FAT3: variants seen among roughly 807,000 people sequenced by gnomAD.
FAT3 encodes protocadherin Fat 3.
Under a neutral mutation model 310.2 loss-of-function variants are expected in FAT3, and 95 were observed. That is an observed-to-expected ratio of 0.31 (90% CI 0.26 to 0.36). FAT3 has a LOEUF of 0.36. Ranked by LOEUF, FAT3 falls within the 10% of genes least tolerant of loss-of-function variation. The probability of loss-of-function intolerance (pLI) is 1.00; values close to 1 mark genes in which losing one functional copy is unlikely to be tolerated. For missense variants in FAT3, 5,408 were observed against 5,715.6 expected (o/e 0.95, Z 1.74); for synonymous variants, 2,314 against 2,192.9 (o/e 1.06, Z -1.54).
intron 2 of FAT3, among the ~76,000 whole-genome samples, chr11:92,484,090 A>C (rs564598586): frequency 1.2e-4 from 18 of 152,354 alleles, no homozygotes; most frequent in African/African-American, 3.8e-4. Flanking sequence ...TTCCAATGTG[A>C]GCATCTGCAT....
At position 92,867,003 on chromosome 11, in the gene FAT3, G is replaced by A. The variant is rs182427205; in HGVS notation, c.11921G>A (p.Arg3974Gln). Residue 3974 changes from arginine (R) to glutamine (Q), a missense_variant, in exon 22 of 28, where the codon CGG (arginine) becomes CAG (glutamine). Physicochemically the swap from Arg to Gln is conservative, Grantham distance 43. Coordinates refer to ENST00000525166, the MANE Select transcript of FAT3 (RefSeq NM_001367949.2). ...ADNIRSLTDT[R>Q]VTQVLSGFQG... ...AACATCCGCAGCCTGACTGACACGC[G>A]GGTCACGCAGGTGCTCAGCGGCTTC... is the stretch of plus-strand genomic sequence containing the variant. 5.0e-6 allele frequency: 8 copies of A among 1,603,424 alleles called. No individual in the cohort carries two copies. In the East Asian group the frequency reaches 1.4e-4, roughly 27 times the overall value.
At chr11:92,378,950 T>C (rs1462952634) in intron 2 of FAT3, among the ~76,000 whole-genome samples, 1 of 152,188 alleles carries the variant, frequency 6.6e-6, no homozygotes, top group Non-Finnish European at 1.5e-5. Flanking sequence ...CTAATCACTT[T>C]CCAAAGGCCC....
At chr11:92,835,181 C>A in intron 15 of FAT3, 97 bp downstream of exon 15, 1 of 994,530 alleles carries the variant, frequency 1.0e-6, no homozygotes, top group Non-Finnish European at 1.5e-6. Flanking sequence ...GTTTTCTTCA[C>A]ACTTCCCCCT....
chr11:92,417,068 T>C (rs1950432978), intron 2 of FAT3, among the ~76,000 whole-genome samples: 3 of 152,244 alleles, frequency 2.0e-5, no homozygotes, highest in Admixed American at 2.0e-4. Flanking sequence ...TGTTTGATTC[T>C]ATAAGCTCTC....
chr11:92,875,093 G>T (rs1350987815), intron 22 of FAT3, among the ~76,000 whole-genome samples: 1 of 151,260 alleles, frequency 6.6e-6, no homozygotes, highest in Non-Finnish European at 1.5e-5. Context: ...ATAATATTTT[G>T]TGAGAACAGG....
intron 3 of FAT3, among the ~76,000 whole-genome samples, chr11:92,542,252 G>A (rs538374364): frequency 4.6e-5 from 7 of 152,026 alleles, no homozygotes; most frequent in African/African-American, 1.7e-4. Flanking sequence ...AAAACATAGG[G>A]AAAATGTTCA....
chr11:92,451,982 G>A (rs2135069202), intron 2 of FAT3, among the ~76,000 whole-genome samples: 1 of 152,242 alleles, frequency 6.6e-6, no homozygotes, highest in African/African-American at 2.4e-5. Context: ...AAATAACTCT[G>A]ATCCTTTATG....
At chr11:92,277,179 C>G (rs1288211749) in intron 1 of FAT3, among the ~76,000 whole-genome samples, 1 of 151,934 alleles carries the variant, frequency 6.6e-6, no homozygotes, top group Non-Finnish European at 1.5e-5. Context: ...TCTGGGAAAC[C>G]AAGTTAAATG....
At chr11:92,836,894 C>T (rs1305974478) in intron 16 of FAT3, among the ~76,000 whole-genome samples, 191 bp downstream of exon 16, 1 of 151,982 alleles carries the variant, frequency 6.6e-6, no homozygotes. Flanking sequence ...ATAATAGATG[C>T]TGGTTATGGA....
In FAT3 at chr11:92,772,250, A is replaced by C. The variant is rs147985030; in HGVS notation, c.4196-1791A>C. On this transcript the variant is annotated intron_variant, in intron 6 of 27. Coordinates refer to ENST00000525166, the MANE Select transcript of FAT3 (RefSeq NM_001367949.2). ...CACTAGAAACAACCTGAGAAGTTAC[A>C]TTCTCATCTTTCCTTCCATACAGGA... Among the ~76,000 whole-genome samples the C allele has an allele frequency of 1.2e-3, 181 of 152,314 alleles. 1 individual carries two copies. Among genetic ancestry groups the C allele is most frequent in the Non-Finnish European group, 1.6e-3 (109 of 67,998 alleles).
intron 13 of FAT3, 44 bp downstream of exon 13, chr11:92,810,120 T>G: frequency 6.5e-7 from 1 of 1,542,962 alleles, no homozygotes; most frequent in Non-Finnish European, 8.9e-7. Flanking sequence ...GTGGACACTT[T>G]GTCTTCAGGT....
chr11:92,646,318 C>T (rs951138402), intron 3 of FAT3, among the ~76,000 whole-genome samples: 2 of 152,180 alleles, frequency 1.3e-5, no homozygotes, highest in Non-Finnish European at 2.9e-5. Flanking sequence ...AGAATTTCTA[C>T]AACATGGCAC....
In FAT3 at chr11:92,768,043, A is replaced by G. The variant is rs181133382; in HGVS notation, c.4195+2954A>G. ...ACAGATGAGAGCTCTCCCTGGAAGG[A>G]GTCCCTTTAAGCTACCTTAAATATA... On this transcript the variant is annotated intron_variant, in intron 6 of 27. Coordinates refer to ENST00000525166, the MANE Select transcript of FAT3 (RefSeq NM_001367949.2). Among the ~76,000 whole-genome samples, 16 of 152,318 alleles carry G rather than the reference A, an allele frequency of 1.1e-4. 2 individuals carry two copies. The highest frequency in any genetic ancestry group is 9.8e-4 in the Admixed American group (15 of 15,296).
intron 4 of FAT3, among the ~76,000 whole-genome samples, chr11:92,717,451 ACT>A (rs1469759058): frequency 6.6e-6 from 1 of 152,054 alleles, no homozygotes; most frequent in Non-Finnish European, 1.5e-5. Flanking sequence ...GCTCATCATG[ACT>A]CACCCTCCTA....
chr11:92,844,769 A>C, intron 19 of FAT3, 37 bp downstream of exon 19: 2 of 1,459,208 alleles, frequency 1.4e-6, no homozygotes, highest in South Asian at 2.9e-5. Context: ...TCAACTCCTG[A>C]GATTGTAGGA....
chr11:92,760,720 G>A (rs954039495), intron 4 of FAT3, among the ~76,000 whole-genome samples: 6 of 152,222 alleles, frequency 3.9e-5, no homozygotes. Context: ...ATGCATGAAA[G>A]AGTGCGTTAT....
intron 2 of FAT3, among the ~76,000 whole-genome samples, chr11:92,493,964 A>G (rs1262787561): frequency 6.6e-6 from 1 of 151,952 alleles, no homozygotes; most frequent in Non-Finnish European, 1.5e-5. Flanking sequence ...CAGACCTGAG[A>G]GAAGTCTTAA....
rs1226030541 is a variant in FAT3 at position 92,844,618 on chromosome 11, C to G, written c.11251C>G (p.Gln3751Glu). Residue 3751 changes from glutamine (Q) to glutamate (E), a missense_variant, in exon 19 of 28, where the codon CAG (glutamine) becomes GAG (glutamate). Physicochemically the swap from Gln to Glu is conservative, Grantham distance 29. Coordinates refer to ENST00000525166, the MANE Select transcript of FAT3 (RefSeq NM_001367949.2). ...CTGCTCAGGGCTGGACTGTCAGGAA[C>G]AGCATTGTGAGCAAGGCTTGTCACT... ...KNCSGLDCQE[Q>E]HCEQGLSLDS... The G allele has an allele frequency of 6.2e-7, 1 of 1,613,304 alleles. No individual in the cohort carries two copies. Among genetic ancestry groups the G allele is most frequent in the African/African-American group, 1.3e-5 (1 of 74,932 alleles).
At chr11:92,507,793 A>G (rs80351972) in intron 2 of FAT3, among the ~76,000 whole-genome samples, 2,848 of 152,004 alleles carry the variant, frequency 0.019, 49 homozygotes, top group African/African-American at 0.046. Context: ...TATATAACAT[A>G]TGTGTATATG....
Sources: gnomAD v4.1 joint callset for allele counts (sites outside exome capture counted in the v4.1 genomes callset) on GRCh38, gnomAD v4.1.1 for gene constraint, MANE v1.5 for transcripts, NCBI Gene and HGNC (gene_info 2026-07-23, HGNC 2026-07-21) for gene names.